SAMD5: variants seen among roughly 807,000 people sequenced by gnomAD.
SAMD5 encodes the protein sterile alpha motif domain-containing protein 5.
Under a neutral mutation model 11.3 loss-of-function variants are expected in SAMD5, and 13 were observed. The ratio of observed to expected loss-of-function variants is 1.15; its 90% CI spans 0.75 to 1.83. The LOEUF (loss-of-function observed/expected upper bound fraction) is 1.83. SAMD5 is among the 40% of genes most tolerant of loss of function. The pLI is 0.00. For missense variants in SAMD5, 255 were observed against 239.1 expected (o/e 1.07, Z -0.44); for synonymous variants, 129 against 111.3 (o/e 1.16, Z -1.00).
chr6:147,550,228 ACT>A (rs1788748444), intron 1 of SAMD5, among the ~76,000 whole-genome samples: 1 of 151,872 alleles, frequency 6.6e-6, no homozygotes, highest in African/African-American at 2.4e-5. Context: ...ACAGAATGAG[ACT>A]CTTGTCTCTC....
chr6:147,860,516 T>C, the SAMD5 span, among the ~76,000 whole-genome samples: 1 of 152,190 alleles, frequency 6.6e-6, no homozygotes. Flanking sequence ...ATAAAGATGA[T>C]TCTTTACTTT....
intron 1 of SAMD5, among the ~76,000 whole-genome samples, chr6:147,666,257 T>G (rs896329610): frequency 7.9e-5 from 12 of 152,224 alleles, no homozygotes; most frequent in Non-Finnish European, 1.8e-4. Flanking sequence ...ATTTTTACTT[T>G]TATTATGAAG....
chr6:147,689,592 T>C (rs934333348), intron 1 of SAMD5, among the ~76,000 whole-genome samples: 1 of 152,244 alleles, frequency 6.6e-6, no homozygotes, highest in Admixed American at 6.5e-5. Context: ...GGCATTTTTT[T>C]CTAGGTAGTC....
chr6:147,561,078 T>TA (rs1286274766), intron 1 of SAMD5, among the ~76,000 whole-genome samples: 4 of 152,248 alleles, frequency 2.6e-5, no homozygotes, highest in African/African-American at 9.6e-5. Context: ...GCAATCACTT[T>TA]AAAAAACAAC....
rs976808448 is a variant in SAMD5 at position 147,568,865 on chromosome 6, A to T, written c.*4409A>T. The T allele has an allele frequency of 8.4e-6, 8 of 956,716 alleles. No individual in the cohort carries two copies. The highest frequency in any genetic ancestry group is 1.0e-5 in the Non-Finnish European group (8 of 803,860). 59.3% of individuals were successfully genotyped at this position (956,716 alleles called of 1,614,324 possible). ...AAATCAAATAACTTTCTAGTCCATGATCATTAATCCCTACTATTTTAGATA... is the reference window on the plus strand; with the variant it reads ...AAATCAAATAACTTTCTAGTCCATGTTCATTAATCCCTACTATTTTAGATA... On this transcript the variant is annotated 3_prime_UTR_variant, in exon 2 of 2. Coordinates refer to ENST00000367474, the MANE Select transcript of SAMD5 (RefSeq NM_001030060.3).
the SAMD5 span, among the ~76,000 whole-genome samples, chr6:147,904,518 C>T: frequency 1.3e-5 from 2 of 152,186 alleles, no homozygotes; most frequent in Non-Finnish European, 1.5e-5. Context: ...GTGTTTGAAC[C>T]ATTACAGTGT....
At chr6:147,672,416 T>G (rs1399272521) in intron 1 of SAMD5, among the ~76,000 whole-genome samples, 2 of 152,164 alleles carry the variant, frequency 1.3e-5, no homozygotes, top group Admixed American at 1.3e-4. Context: ...AGAAAATGCT[T>G]CTCCATCACT....
chr6:147,795,078 A>G, the SAMD5 span, among the ~76,000 whole-genome samples: 849 of 151,042 alleles, frequency 5.6e-3, 7 homozygotes, highest in African/African-American at 0.02. Flanking sequence ...TTTTATTATT[A>G]TTATACTTTA....
At position 147,568,917 on chromosome 6, in the gene SAMD5, A is replaced by G; in HGVS notation, c.*4461A>G. On this transcript the variant is annotated 3_prime_UTR_variant, in exon 2 of 2. Transcript: ENST00000367474. Reference sequence around the variant, plus strand: ...TTCCATAAAAGGCTTAAAGGGAAAAAAAAATGGTAGGTAGTTCAGAAAAAA... The same window carrying G: ...TTCCATAAAAGGCTTAAAGGGAAAAGAAAATGGTAGGTAGTTCAGAAAAAA... 3.1e-6 allele frequency: 3 copies of G among 981,874 alleles called. No homozygotes were observed. In the South Asian group the frequency reaches 1.4e-4, roughly 46 times the overall value. The allele number at this position is 981,874 out of a possible 1,614,324, so 60.8% of individuals were successfully genotyped here.
At chr6:147,608,031 A>C (rs983129614) in intron 1 of SAMD5, among the ~76,000 whole-genome samples, 10 of 152,232 alleles carry the variant, frequency 6.6e-5, no homozygotes, top group Admixed American at 6.5e-4. Flanking sequence ...TAAGCACATA[A>C]AAAGGTGCTT....
At chr6:147,722,498 C>T (rs1402272663) in intron 1 of SAMD5, among the ~76,000 whole-genome samples, 1 of 152,268 alleles carries the variant, frequency 6.6e-6, no homozygotes. Flanking sequence ...TCATAGAAAA[C>T]TCTCATTTAA....
chr6:147,728,220 G>A (rs1238705931), intron 1 of SAMD5, among the ~76,000 whole-genome samples: 1 of 152,152 alleles, frequency 6.6e-6, no homozygotes, highest in Non-Finnish European at 1.5e-5. Flanking sequence ...GAGGTCAGGA[G>A]TTTGAGACCA....
intron 1 of SAMD5, chr6:147,730,118 G>C (rs1233527463): frequency 1.4e-5 from 6 of 436,086 alleles, no homozygotes; most frequent in South Asian, 8.4e-5. Flanking sequence ...AAAGGAAATG[G>C]GTAGGGCTAC....
the SAMD5 span, among the ~76,000 whole-genome samples, chr6:147,770,532 C>T: frequency 3.9e-5 from 6 of 152,066 alleles, no homozygotes; most frequent in African/African-American, 9.7e-5. Flanking sequence ...TTGGCAATGT[C>T]GATCCTAAAT....
At chr6:147,835,244 A>AC in the SAMD5 span, among the ~76,000 whole-genome samples, 226 of 150,930 alleles carry the variant, frequency 1.5e-3, 2 homozygotes, top group African/African-American at 5.4e-3. Context: ...AAAAAAAAAA[A>AC]AACAAAAAAA....
chr6:147,664,648 T>C (rs944645656), intron 1 of SAMD5, among the ~76,000 whole-genome samples: 1 of 152,194 alleles, frequency 6.6e-6, no homozygotes, highest in African/African-American at 2.4e-5. Context: ...AAACACTGAA[T>C]ACCGTATGTA....
chr6:147,606,690 GAAATATAAATAT>G (rs962303599), intron 1 of SAMD5, among the ~76,000 whole-genome samples: 7 of 151,440 alleles, frequency 4.6e-5, no homozygotes, highest in African/African-American at 1.5e-4. Flanking sequence ...ACTAGTCTAA[GAAATATAAATAT>G]AAATATAAAT....
chr6:147,573,889 C>G (rs909107432), downstream of SAMD5, among the ~76,000 whole-genome samples: 7 of 152,054 alleles, frequency 4.6e-5, no homozygotes, highest in African/African-American at 1.4e-4. Flanking sequence ...TTTTGGGAGG[C>G]CGAGGAGGGC....
At chr6:147,932,691 C>G in the SAMD5 span, among the ~76,000 whole-genome samples, 4 of 151,072 alleles carry the variant, frequency 2.6e-5, no homozygotes, top group Admixed American at 1.3e-4. Context: ...GGAAATGAGG[C>G]ACACCACACC....
Sources: gnomAD v4.1 joint callset for allele counts (sites outside exome capture counted in the v4.1 genomes callset) on GRCh38, gnomAD v4.1.1 for gene constraint, MANE v1.5 for transcripts, NCBI Gene and HGNC (gene_info 2026-07-23, HGNC 2026-07-21) for gene names.